The following C9orf153 variants were observed in gnomAD, a reference collection of about 807,000 sequenced individuals.
The protein encoded by C9orf153 is chromosome 9 open reading frame 153, also known as uncharacterized protein C9orf153.
Under a neutral mutation model 9.0 loss-of-function variants are expected in C9orf153, and 10 were observed. The ratio of observed to expected loss-of-function variants is 1.11; its 90% CI spans 0.69 to 1.89. The LOEUF is 1.89. Ranked by LOEUF, C9orf153 falls within the 40% of genes most tolerant of loss-of-function variation. The pLI is 0.00. For missense variants in C9orf153, 108 were observed against 111.0 expected (o/e 0.97, Z 0.12); for synonymous variants, 35 against 37.3 (o/e 0.94, Z 0.23).
At chr9:86,254,465 T>C (rs1825066087) in intron 1 of C9orf153, among the ~76,000 whole-genome samples, 3 of 152,186 alleles carry the variant, frequency 2.0e-5, no homozygotes, top group Admixed American at 1.3e-4. Flanking sequence ...ATAAAAACAG[T>C]CTTCATGTCT....
At chr9:86,229,023 A>C in intron 2 of C9orf153, 1 of 215,742 alleles carries the variant, frequency 4.6e-6, no homozygotes, top group Non-Finnish European at 9.8e-6. Context: ...GATTGCTTTT[A>C]ATATTTTATA....
rs181330740 is a variant in C9orf153, at chr9:86,228,447, T to C, written c.67-417A>G. Reference sequence around the variant, plus strand: ...GAAGGAAGAAAGCGAGCCAGATCACTTAGATATCAGAGCTTCATCCTGTTG... The same window carrying C: ...GAAGGAAGAAAGCGAGCCAGATCACCTAGATATCAGAGCTTCATCCTGTTG... On this transcript the variant is annotated intron_variant, in intron 2 of 3. Transcript: ENST00000339137. Among the ~76,000 whole-genome samples the C allele has an allele frequency of 8.5e-4, 129 of 152,292 alleles. 1 individual carries two copies. Among genetic ancestry groups the C allele is most frequent in the African/African-American group, 3.0e-3 (125 of 41,574 alleles).
intron 3 of C9orf153, chr9:86,227,173 G>T (rs535292473): frequency 7.2e-6 from 4 of 559,394 alleles, no homozygotes; most frequent in South Asian, 8.6e-5. Flanking sequence ...TAGAGACAGG[G>T]TCTTGCTCTG....
intron 1 of C9orf153, among the ~76,000 whole-genome samples, chr9:86,253,100 T>C (rs1288830251): frequency 6.6e-6 from 1 of 152,228 alleles, no homozygotes. Context: ...TATTTGTGAG[T>C]ATTCTTAATT....
At chr9:86,244,247 A>AC (rs1564002386) in intron 1 of C9orf153, among the ~76,000 whole-genome samples, 2 of 152,010 alleles carry the variant, frequency 1.3e-5, no homozygotes, top group East Asian at 1.9e-4. Context: ...TTTTAAAATA[A>AC]TTTTTTTTGT....
At chr9:86,249,727 A>G (rs1310555974) in intron 1 of C9orf153, among the ~76,000 whole-genome samples, 2 of 152,084 alleles carry the variant, frequency 1.3e-5, no homozygotes, top group East Asian at 3.9e-4. Flanking sequence ...TTTTCTTTAT[A>G]GTAAAGATAG....
chr9:86,249,636 T>C (rs990061093), intron 1 of C9orf153, among the ~76,000 whole-genome samples: 2 of 150,724 alleles, frequency 1.3e-5, no homozygotes, highest in African/African-American at 4.9e-5. Context: ...GCAACCTCCA[T>C]CTCCCGAGTT....
chr9:86,238,182 T>C (rs921155895), intron 1 of C9orf153, among the ~76,000 whole-genome samples: 7 of 152,280 alleles, frequency 4.6e-5, no homozygotes, highest in African/African-American at 1.4e-4. Context: ...CCCACTATTA[T>C]AGTTGGAGAC....
intron 1 of C9orf153, among the ~76,000 whole-genome samples, chr9:86,241,564 C>G: frequency 6.6e-6 from 1 of 152,118 alleles, no homozygotes; most frequent in South Asian, 2.1e-4. Flanking sequence ...GATTCTCATG[C>G]TTAAGAACCA....
At chr9:86,227,315 TTTTATTTATTTA>T (rs146954955) in intron 3 of C9orf153, 5 of 1,425,786 alleles carry the variant, frequency 3.5e-6, no homozygotes, top group South Asian at 3.1e-5. Flanking sequence ...CTCAGCTAAT[TTTTATTTATTTA>T]TTTATTTATT....
At chr9:86,244,604 G>T (rs899293759) in intron 1 of C9orf153, among the ~76,000 whole-genome samples, 11 of 152,180 alleles carry the variant, frequency 7.2e-5, no homozygotes, top group African/African-American at 1.9e-4. Flanking sequence ...AATTATAAGT[G>T]ATTACAGAGC....
chr9:86,245,334 G>A (rs944810731), intron 1 of C9orf153, among the ~76,000 whole-genome samples: 3 of 152,110 alleles, frequency 2.0e-5, no homozygotes, highest in Non-Finnish European at 2.9e-5. Flanking sequence ...AACTGCATGC[G>A]CATCATTGTG....
intron 1 of C9orf153, among the ~76,000 whole-genome samples, chr9:86,248,501 T>C (rs1824919006): frequency 6.6e-6 from 1 of 152,162 alleles, no homozygotes; most frequent in African/African-American, 2.4e-5. Flanking sequence ...GTTAATTGCA[T>C]GTCACTGAGT....
chr9:86,243,093 T>A (rs1452095635), intron 1 of C9orf153, among the ~76,000 whole-genome samples: 1 of 152,080 alleles, frequency 6.6e-6, no homozygotes, highest in Non-Finnish European at 1.5e-5. Context: ...ACAGAAAGCA[T>A]GTGTTCCTTT....
chr9:86,240,696 TTTTTCTTTTTC>T (rs1213142746), intron 1 of C9orf153, among the ~76,000 whole-genome samples: 2 of 63,442 alleles, frequency 3.2e-5, no homozygotes, highest in Admixed American at 2.2e-4. Context: ...TTTTCTTTTC[TTTTTCTTTTTC>T]TTTTTTTTTT....
chr9:86,250,077 C>T (rs536582778), intron 1 of C9orf153, among the ~76,000 whole-genome samples: 1 of 152,236 alleles, frequency 6.6e-6, no homozygotes, highest in South Asian at 2.1e-4. Flanking sequence ...GGGTGGAATT[C>T]TACAGGCTTG....
chr9:86,254,980 G>A (rs888365477), intron 1 of C9orf153, among the ~76,000 whole-genome samples: 2 of 151,480 alleles, frequency 1.3e-5, no homozygotes, highest in African/African-American at 4.9e-5. Context: ...TGGGAGAATG[G>A]CTTGAACCCA....
chr9:86,236,420 G>A (rs1824589281), intron 1 of C9orf153, among the ~76,000 whole-genome samples: 1 of 152,010 alleles, frequency 6.6e-6, no homozygotes, highest in African/African-American at 2.4e-5. Flanking sequence ...TTAGTGGCGT[G>A]CATCTGTAAT....
intron 2 of C9orf153, chr9:86,228,825 G>A (rs1049392401): frequency 6.5e-5 from 12 of 184,120 alleles, no homozygotes; most frequent in South Asian, 2.7e-4. Context: ...GAGCTAACGC[G>A]TGGGAAAGTA....
Sources: allele counts gnomAD v4.1 joint callset (sites outside exome capture counted in the v4.1 genomes callset), GRCh38; gene constraint gnomAD v4.1.1; transcripts MANE v1.5; gene names NCBI Gene and HGNC (gene_info 2026-07-23, HGNC 2026-07-21).